The following ATP6V1H variants were observed in gnomAD, a reference collection of about 807,000 sequenced individuals.
ATP6V1H encodes V-type proton ATPase subunit H.
ATP6V1H carries 39 observed loss-of-function variants against 71.7 expected under a neutral mutation model. That is an observed-to-expected ratio of 0.54 (90% CI 0.42 to 0.71). The LOEUF (loss-of-function observed/expected upper bound fraction) is 0.71, where lower values mean the gene tolerates loss of function less well. ATP6V1H is among the 30% of genes least tolerant of loss of function. The pLI, the probability that ATP6V1H is intolerant of heterozygous loss-of-function variation, is 0.00. For synonymous variants in ATP6V1H, 192 were observed against 199.3 expected, an observed-to-expected ratio of 0.96 and a Z score of 0.31; for missense variants, 509 against 594.9, an observed-to-expected ratio of 0.86 and a Z score of 1.50.
rs190799107 is a variant in ATP6V1H at position 53,722,574 on chromosome 8, A to G, written c.1392-6550T>C. ...TCTTTTTCTTGAATTATATTTAGAA[A>G]GACTGAGAGCGTATGACAGTGGAGA... On this transcript the variant is annotated intron_variant, in intron 13 of 13. Transcript: ENST00000359530. 2.4e-3 allele frequency among the ~76,000 whole-genome samples: 364 copies of G among 152,272 alleles called. 2 individuals carry two copies. The highest frequency in any genetic ancestry group is 0.014 in the Admixed American group (210 of 15,300).
At chr8:53,769,431 A>T (rs1460715032) in intron 11 of ATP6V1H, among the ~76,000 whole-genome samples, 187 bp downstream of exon 11, 1 of 152,202 alleles carries the variant, frequency 6.6e-6, no homozygotes, top group Admixed American at 6.5e-5. Flanking sequence ...AGACTTGAAC[A>T]GGCACTTCTC....
chr8:53,765,180 G>A (rs939066202), intron 11 of ATP6V1H, among the ~76,000 whole-genome samples: 4 of 152,014 alleles, frequency 2.6e-5, no homozygotes, highest in African/African-American at 9.7e-5. Flanking sequence ...GAGGTGGGCA[G>A]ATCACGAGGT....
intron 4 of ATP6V1H, among the ~76,000 whole-genome samples, chr8:53,818,964 T>C (rs1417426888): frequency 6.6e-6 from 1 of 152,130 alleles, no homozygotes; most frequent in Admixed American, 6.5e-5. Context: ...CCCAGCACTT[T>C]GAGAGGCCAA....
At chr8:53,726,373 T>C (rs1806813618) in intron 13 of ATP6V1H, among the ~76,000 whole-genome samples, 1 of 152,192 alleles carries the variant, frequency 6.6e-6, no homozygotes, top group African/African-American at 2.4e-5. Context: ...AGCTGCCACA[T>C]TATGAAAAGA....
At chr8:53,732,519 G>T (rs1807057758) in intron 13 of ATP6V1H, among the ~76,000 whole-genome samples, 1 of 151,956 alleles carries the variant, frequency 6.6e-6, no homozygotes, top group African/African-American at 2.4e-5. Context: ...CTACAGACAG[G>T]GAACAATTGG....
chr8:53,749,514 T>C (rs1014766505), intron 12 of ATP6V1H, among the ~76,000 whole-genome samples: 1 of 152,188 alleles, frequency 6.6e-6, no homozygotes, highest in African/African-American at 2.4e-5. Flanking sequence ...CTCCTCCTCA[T>C]GGAGCTGGCT....
intron 13 of ATP6V1H, among the ~76,000 whole-genome samples, chr8:53,739,176 T>C (rs188154066): frequency 1.3e-5 from 2 of 152,310 alleles, no homozygotes; most frequent in East Asian, 3.9e-4. Flanking sequence ...AAATTAGTTC[T>C]GGAAAACGTT....
In ATP6V1H at chr8:53,833,027, CTTCGT is replaced by C; in HGVS notation, c.168_172del (p.Arg57ProfsTer2). On this transcript the variant is annotated frameshift_variant, in exon 3 of 14. Coordinates refer to ENST00000359530, the MANE Select transcript of ATP6V1H (RefSeq NM_015941.4). LOFTEE classifies it high-confidence loss of function. The stretch of plus-strand genomic sequence containing the variant: ...AAGCATCTCTTGCTTCTCTTCAGGG[CTTCGT>C]TTCATTTCAAACCTCTGAATAAACT... The C allele has an allele frequency of 1.2e-6, 2 of 1,613,796 alleles. No individual in the cohort carries two copies. Among genetic ancestry groups the C allele is most frequent in the South Asian group, 1.1e-5 (1 of 91,020 alleles).
At chr8:53,753,389 G>C (rs1181989835) in intron 12 of ATP6V1H, among the ~76,000 whole-genome samples, 1 of 152,196 alleles carries the variant, frequency 6.6e-6, no homozygotes, top group African/African-American at 2.4e-5. Flanking sequence ...CATGATGGGA[G>C]AGATCATTCT....
intron 11 of ATP6V1H, among the ~76,000 whole-genome samples, chr8:53,761,809 T>C (rs1363938678): frequency 1.3e-5 from 2 of 152,206 alleles, no homozygotes; most frequent in African/African-American, 2.4e-5. Flanking sequence ...ATGCTCCATC[T>C]GGATGCCTCA....
chr8:53,756,749 T>C (rs1808083225), intron 11 of ATP6V1H, 93 bp from the exon 12 acceptor site: 2 of 740,614 alleles, frequency 2.7e-6, no homozygotes, highest in Non-Finnish European at 2.2e-6. Flanking sequence ...TTCCTGAAAA[T>C]AGACATTTAT....
At chr8:53,806,341 G>A (rs2130449352) in intron 7 of ATP6V1H, among the ~76,000 whole-genome samples, 1 of 151,870 alleles carries the variant, frequency 6.6e-6, no homozygotes, top group South Asian at 2.1e-4. Flanking sequence ...TCAATATTCA[G>A]GAATTAAAAT....
At chr8:53,781,023 C>A (rs1264264004) in intron 9 of ATP6V1H, among the ~76,000 whole-genome samples, 2 of 152,126 alleles carry the variant, frequency 1.3e-5, no homozygotes, top group African/African-American at 4.8e-5. Context: ...GTCTTTATAG[C>A]AGCATGATTT....
At chr8:53,769,422 G>C (rs1048674033) in intron 11 of ATP6V1H, among the ~76,000 whole-genome samples, 196 bp downstream of exon 11, 1 of 152,100 alleles carries the variant, frequency 6.6e-6, no homozygotes, top group African/African-American at 2.4e-5. Context: ...AAAGAAAATA[G>C]ACTTGAACAG....
At chr8:53,775,388 C>A (rs1425676667) in intron 9 of ATP6V1H, among the ~76,000 whole-genome samples, 1 of 152,214 alleles carries the variant, frequency 6.6e-6, no homozygotes. Context: ...CTGGCTCGGG[C>A]AGCCTGCTTT....
chr8:53,798,458 T>C (rs776925686), intron 8 of ATP6V1H, among the ~76,000 whole-genome samples: 1 of 151,864 alleles, frequency 6.6e-6, no homozygotes, highest in African/African-American at 2.4e-5. Context: ...GAGGCGGAGG[T>C]TGCAGTGAGC....
At chr8:53,759,891 TAAGTGTG>T (rs1363922609) in intron 11 of ATP6V1H, among the ~76,000 whole-genome samples, 3 of 152,208 alleles carry the variant, frequency 2.0e-5, no homozygotes, top group African/African-American at 7.2e-5. Flanking sequence ...TTACCTGACG[TAAGTGTG>T]GTTATCCACA....
intron 4 of ATP6V1H, among the ~76,000 whole-genome samples, chr8:53,821,257 C>G (rs1304982710): frequency 6.6e-6 from 1 of 151,548 alleles, no homozygotes; most frequent in Non-Finnish European, 1.5e-5. Context: ...CCTGTAGTCC[C>G]AGCTACTCAG....
intron 11 of ATP6V1H, among the ~76,000 whole-genome samples, chr8:53,762,121 A>T (rs1808292215): frequency 6.6e-6 from 1 of 152,188 alleles, no homozygotes; most frequent in African/African-American, 2.4e-5. Context: ...TTTCTCAGCT[A>T]CCAAGAACAT....
Sources: gnomAD v4.1 joint callset for allele counts (sites outside exome capture counted in the v4.1 genomes callset) on GRCh38, gnomAD v4.1.1 for gene constraint, MANE v1.5 for transcripts, NCBI Gene and HGNC (gene_info 2026-07-23, HGNC 2026-07-21) for gene names.